Variants in NTAQ1 observed in about 807,000 individuals in gnomAD.
The protein encoded by NTAQ1 is protein N-terminal glutamine amidohydrolase.
In NTAQ1, 21 loss-of-function variants were observed where a neutral mutation model predicts 28.2. The observed-to-expected ratio is 0.74, with a 90% CI of 0.53 to 1.07. NTAQ1 has a LOEUF of 1.07. Among genes scored for constraint, NTAQ1 ranks in the 50% least tolerant of loss-of-function variants. NTAQ1 has a pLI of 0.00. For missense variants in NTAQ1, 264 were observed against 256.6 expected (o/e 1.03, Z -0.20); for synonymous variants, 105 against 90.0 (o/e 1.17, Z -0.94).
At chr8:123,421,232 CA>C (rs574631272) in intron 1 of NTAQ1, among the ~76,000 whole-genome samples, 57 of 152,264 alleles carry the variant, frequency 3.7e-4, no homozygotes, top group African/African-American at 1.3e-3. Flanking sequence ...AGGTGTGCAC[CA>C]CCATGCCCAG....
At chr8:123,427,492 A>G (rs1165696301) in intron 1 of NTAQ1, among the ~76,000 whole-genome samples, 1 of 151,326 alleles carries the variant, frequency 6.6e-6, no homozygotes, top group Non-Finnish European at 1.5e-5. Context: ...CTGGTCTCGA[A>G]CTCCTGACCT....
chr8:123,428,884 G>A (rs183875210), intron 2 of NTAQ1, among the ~76,000 whole-genome samples: 21 of 152,320 alleles, frequency 1.4e-4, no homozygotes, highest in African/African-American at 5.1e-4. Context: ...TTACCAGCAT[G>A]AGCCACTGTG....
chr8:123,418,876 G>A lies in NTAQ1; in HGVS notation c.83+1944G>A, dbSNP rs183388211. Reference sequence around the variant, plus strand: ...GAGGCTGTCCTGTGTATTGCAGGACGTGTAGCAGCATCCCTGGCTTCTACC... The same window carrying A: ...GAGGCTGTCCTGTGTATTGCAGGACATGTAGCAGCATCCCTGGCTTCTACC... On this transcript the variant is annotated intron_variant, in intron 1 of 5. Coordinates refer to ENST00000287387, the MANE Select transcript of NTAQ1 (RefSeq NM_018024.3). Among the ~76,000 whole-genome samples the A allele has an allele frequency of 8.8e-4, 134 of 152,070 alleles. 1 individual carries two copies. The highest frequency in any genetic ancestry group is 2.4e-3 in the Admixed American group (37 of 15,296).
At chr8:123,444,587 AGCTCTG>A, downstream of NTAQ1, among the ~76,000 whole-genome samples, 1 of 152,328 alleles carries the variant, frequency 6.6e-6, no homozygotes, top group Non-Finnish European at 1.5e-5. Context: ...GCTCACTGCA[AGCTCTG>A]CCTCCCGGGT....
At chr8:123,416,769 G>A (rs1813314478), upstream of NTAQ1, 5 of 1,313,660 alleles carry the variant, frequency 3.8e-6, no homozygotes, top group Admixed American at 3.3e-5. Flanking sequence ...GAACCCACGC[G>A]GGCCACTACA....
Position 123,430,000 on chromosome 8 carries a change from A to G in NTAQ1, c.201A>G (p.Gln67=), listed in dbSNP as rs986507584. The G allele has an allele frequency of 3.7e-6, 6 of 1,613,158 alleles. No homozygotes were observed. The highest frequency in any genetic ancestry group is 1.6e-4 in the Middle Eastern group (1 of 6,084). ...NERKMIPIWK[Q]QARPGDGPVI... ...TTTTGTAGATACCTATCTGGAAACA[A>G]CAGGCGAGACCTGGAGATGGACCTG... The change falls in exon 3 of 6, where the codon CAA becomes CAG. Residue 67 remains glutamine (Q), a synonymous_variant. Coordinates refer to ENST00000287387, the MANE Select transcript of NTAQ1 (RefSeq NM_018024.3).
intron 3 of NTAQ1, among the ~76,000 whole-genome samples, chr8:123,430,988 C>G (rs1207728362): frequency 6.6e-6 from 1 of 152,116 alleles, no homozygotes; most frequent in Non-Finnish European, 1.5e-5. Context: ...CTGGGTCTCA[C>G]ACCTGGGTCC....
chr8:123,455,206 T>G (rs1044145746), intron 6 of NTAQ1: 12 of 152,194 alleles, frequency 7.9e-5, no homozygotes, highest in African/African-American at 2.9e-4. Context: ...CTGAGTCAGC[T>G]CTGGTGAGGG....
intron 6 of NTAQ1, among the ~76,000 whole-genome samples, chr8:123,461,825 G>A (rs1372113410): frequency 6.6e-6 from 1 of 152,186 alleles, no homozygotes; most frequent in Non-Finnish European, 1.5e-5. Context: ...AATTGGGGCA[G>A]AGGAGAGAGA....
At chr8:123,430,612 T>A (rs948168003) in intron 3 of NTAQ1, among the ~76,000 whole-genome samples, 1 of 152,214 alleles carries the variant, frequency 6.6e-6, no homozygotes, top group African/African-American at 2.4e-5. Context: ...ACTCCGTCTC[T>A]ACTAAAAAAA....
chr8:123,427,889 T>C, intron 1 of NTAQ1, 35 bp from the exon 2 acceptor site: 2 of 1,507,022 alleles, frequency 1.3e-6, no homozygotes, highest in Non-Finnish European at 1.8e-6. Context: ...CATAGAATGT[T>C]CTCTAATCTT....
At chr8:123,420,528 C>T (rs1813612900) in intron 1 of NTAQ1, among the ~76,000 whole-genome samples, 1 of 151,796 alleles carries the variant, frequency 6.6e-6, no homozygotes, top group Admixed American at 6.6e-5. Context: ...TTTACATTCC[C>T]ACCAGGAGTG....
intron 6 of NTAQ1, among the ~76,000 whole-genome samples, chr8:123,458,555 T>C (rs557434841): frequency 1.3e-5 from 2 of 152,066 alleles, no homozygotes; most frequent in East Asian, 1.9e-4. Context: ...AGAAAGCCCA[T>C]GAGCTCATGC....
chr8:123,422,654 C>G (rs1428826711), intron 1 of NTAQ1, among the ~76,000 whole-genome samples: 3 of 142,958 alleles, frequency 2.1e-5, no homozygotes, highest in Non-Finnish European at 4.5e-5. Context: ...TTAATTAGGT[C>G]TCACTTGTCA....
rs1045291 is a variant in NTAQ1, at chr8:123,441,767, T to A, written c.*352T>A. 4.5e-6 allele frequency: 1 copy of A among 221,162 alleles called. No individual in the cohort carries two copies. The highest frequency in any genetic ancestry group is 5.1e-5 in the Admixed American group (1 of 19,558). 13.7% of individuals were successfully genotyped at this position (221,162 alleles called of 1,614,324 possible). On this transcript the variant is annotated 3_prime_UTR_variant, in exon 6 of 6. Coordinates refer to ENST00000287387, the MANE Select transcript of NTAQ1 (RefSeq NM_018024.3). ...GATGTTTTGTGTCTCTCCAGCTACA[T>A]TGTAAGTTCCTTGAGGGCAGGGCCA...
At chr8:123,428,232 G>C (rs1364017752) in intron 2 of NTAQ1, among the ~76,000 whole-genome samples, 1 of 152,104 alleles carries the variant, frequency 6.6e-6, no homozygotes, top group Non-Finnish European at 1.5e-5. Context: ...AGTCCCTTCT[G>C]TCGCCCAGGC....
chr8:123,418,203 C>A (rs1461906028), intron 1 of NTAQ1, among the ~76,000 whole-genome samples: 1 of 152,144 alleles, frequency 6.6e-6, no homozygotes, highest in Non-Finnish European at 1.5e-5. Flanking sequence ...GTAATTCCAG[C>A]ACTTTGGGAG....
Position 123,427,966 on chromosome 8 carries a change from T to C in NTAQ1, c.126T>C (p.His42=). The C allele has an allele frequency of 6.2e-7, 1 of 1,611,472 alleles. No homozygotes were observed. The highest frequency in any genetic ancestry group is 8.5e-7 in the Non-Finnish European group (1 of 1,179,146). Residue 42 remains histidine (H), a synonymous_variant, in exon 2 of 6, where the codon CAT becomes CAC. Transcript: ENST00000287387. ...AGCTCTGTGAATACATCAAAAACCA[T>C]GACCAGTATCCTTTAGAAGAATGTT... ...IWKLCEYIKN[H]DQYPLEECYA...
exon 7 of NTAQ1, among the ~76,000 whole-genome samples, chr8:123,468,316 A>G (rs1586974621): frequency 6.6e-6 from 1 of 152,250 alleles, no homozygotes; most frequent in East Asian, 1.9e-4. Flanking sequence ...ACAGATCTCC[A>G]GAAGTTTTCA....
Sources: gnomAD v4.1 joint callset for allele counts (sites outside exome capture counted in the v4.1 genomes callset) on GRCh38, gnomAD v4.1.1 for gene constraint, MANE v1.5 for transcripts, NCBI Gene and HGNC (gene_info 2026-07-23, HGNC 2026-07-21) for gene names.